The following JAKMIP1 variants were observed in gnomAD, a reference collection of about 807,000 sequenced individuals.
JAKMIP1 encodes the protein janus kinase and microtubule-interacting protein 1.
In JAKMIP1, 33 loss-of-function variants were observed where a neutral mutation model predicts 113.0. The observed-to-expected ratio is 0.29, with a 90% confidence interval of 0.22 to 0.39. The LOEUF is 0.39. Ranked by LOEUF, JAKMIP1 falls within the 10% of genes least tolerant of loss-of-function variation. The pLI, the probability that JAKMIP1 is intolerant of heterozygous loss-of-function variation, is 1.00. For synonymous variants in JAKMIP1, 480 were observed against 459.9 expected, an observed-to-expected ratio of 1.04 and a Z score of -0.56; for missense variants, 813 against 1,080.5, an observed-to-expected ratio of 0.75 and a Z score of 3.47.
intron 8 of JAKMIP1, among the ~76,000 whole-genome samples, chr4:6,066,879 C>T (rs1718171430): frequency 6.6e-6 from 1 of 152,188 alleles, no homozygotes; most frequent in Non-Finnish European, 1.5e-5. Context: ...ATCATCCCTC[C>T]CTCTCCTCCT....
intron 1 of JAKMIP1, among the ~76,000 whole-genome samples, chr4:6,124,182 G>T (rs916917748): frequency 1.3e-5 from 2 of 152,180 alleles, no homozygotes; most frequent in African/African-American, 4.8e-5. Flanking sequence ...TGGGCCGTGC[G>T]GACGGCACCA....
At position 6,113,003 on chromosome 4, in the gene JAKMIP1, G is replaced by A. The variant is rs942222251; in HGVS notation, c.-147-6C>T. 10 of 1,178,444 alleles carry A rather than the reference G, an allele frequency of 8.5e-6. No homozygotes were observed. The highest frequency in any genetic ancestry group is 1.2e-5 in the Non-Finnish European group (10 of 868,194). 73.0% of individuals were successfully genotyped at this position (1,178,444 alleles called of 1,614,324 possible). On this transcript the variant is annotated splice_region_variant and splice_polypyrimidine_tract_variant and intron_variant, in intron 1 of 20. Coordinates refer to ENST00000409021, the MANE Select transcript of JAKMIP1 (RefSeq NM_001099433.2). ...AACCACCATCACTTGGGATCCTGAA[G>A]GAAGGAGGGAAACTGAGTTAGCAGA...
chr4:6,068,684 A>G (rs966835429), intron 8 of JAKMIP1, among the ~76,000 whole-genome samples: 2 of 151,650 alleles, frequency 1.3e-5, no homozygotes, highest in African/African-American at 4.9e-5. Flanking sequence ...CAGCCTCCCA[A>G]GTAGCTGGGA....
intron 16 of JAKMIP1, among the ~76,000 whole-genome samples, chr4:6,046,264 T>C (rs1396305583): frequency 6.6e-6 from 1 of 152,184 alleles, no homozygotes; most frequent in East Asian, 1.9e-4. Flanking sequence ...TGAGGAGCTC[T>C]TACACCAACA....
chr4:6,043,662 G>T (rs561637978), intron 16 of JAKMIP1, among the ~76,000 whole-genome samples: 1 of 149,990 alleles, frequency 6.7e-6, no homozygotes, highest in Non-Finnish European at 1.5e-5. Flanking sequence ...AAACCCACCC[G>T]CAGCACTCCC....
chr4:6,069,081 A>G lies in JAKMIP1; in HGVS notation c.1303-4073T>C, dbSNP rs183653944. 1.3e-5 allele frequency among the ~76,000 whole-genome samples: 2 copies of G among 152,328 alleles called. No homozygotes were observed. The highest frequency in any genetic ancestry group is 1.3e-4 in the Admixed American group (2 of 15,304). ...TGTTTAAAGTAAAAACACAGTGGCT[A>G]TCTTCCTTGAAGGCAATGCAACTGG... is the stretch of plus-strand genomic sequence containing the variant. On this transcript the variant is annotated intron_variant, in intron 8 of 20. Transcript: ENST00000409021. This position sits in a 1 kb window ranked among gnomAD's most constrained non-coding sequence, Gnocchi z 4.5.
chr4:6,060,690 C>T (rs928265317), intron 10 of JAKMIP1, among the ~76,000 whole-genome samples, 183 bp from the exon 11 acceptor site: 2 of 152,210 alleles, frequency 1.3e-5, no homozygotes, highest in Non-Finnish European at 2.9e-5. Context: ...GCTTCAAACA[C>T]AAAAATCATT....
At position 6,067,449 on chromosome 4, in the gene JAKMIP1, C is replaced by T. The variant is rs1718260035; in HGVS notation, c.1303-2441G>A. 6.6e-6 allele frequency among the ~76,000 whole-genome samples: 1 copy of T among 152,188 alleles called. No homozygotes were observed. Among genetic ancestry groups the T allele is most frequent in the African/African-American group, 2.4e-5 (1 of 41,434 alleles). ...TGCAGAGGCTGGAGACAATCATCTACTCAAATCTCCCCTCTGGATGAGAAC... is the reference window on the plus strand; with the variant it reads ...TGCAGAGGCTGGAGACAATCATCTATTCAAATCTCCCCTCTGGATGAGAAC... On this transcript the variant is annotated intron_variant, in intron 8 of 20. Transcript: ENST00000409021. This position sits in a 1 kb window ranked among gnomAD's most constrained non-coding sequence, Gnocchi z 4.6.
At position 6,136,052 on chromosome 4, in the gene JAKMIP1, C is replaced by T. The variant is rs953275070; in HGVS notation, c.-147-23055G>A. Among the ~76,000 whole-genome samples the T allele has an allele frequency of 6.6e-6, 1 of 152,102 alleles. No homozygotes were observed. Among genetic ancestry groups the T allele is most frequent in the Non-Finnish European group, 1.5e-5 (1 of 68,022 alleles). On this transcript the variant is annotated intron_variant, in intron 1 of 20. Transcript: ENST00000409021. The surrounding 1 kb of genome is among the most constrained non-coding windows in gnomAD (Gnocchi z 5.9). ...CTTGAGGTCAGGAGTTCAAGATCAG[C>T]CTGGCGAACAGGGTGAAACCCCATC...
rs1719230386 is a variant in JAKMIP1, at chr4:6,136,306, T to C, written c.-147-23309A>G. Among the ~76,000 whole-genome samples the C allele has an allele frequency of 6.6e-6, 1 of 152,062 alleles. No individual in the cohort carries two copies. The highest frequency in any genetic ancestry group is 2.1e-4 in the South Asian group (1 of 4,820). The stretch of plus-strand genomic sequence containing the variant: ...CTTGACGTCTAAATGCAGGCATCTG[T>C]GAATCCATATTTCAGTCTGCTTGAA... On this transcript the variant is annotated intron_variant, in intron 1 of 20. Transcript: ENST00000409021. This position sits in a 1 kb window ranked among gnomAD's most constrained non-coding sequence, Gnocchi z 5.9.
intron 16 of JAKMIP1, among the ~76,000 whole-genome samples, chr4:6,045,877 A>C (rs1240953015): frequency 6.6e-6 from 1 of 152,346 alleles, no homozygotes; most frequent in African/African-American, 2.4e-5. Context: ...CTCAAAAAAA[A>C]AAATTAATGC....
chr4:6,057,200 T>G (rs1387369085), intron 11 of JAKMIP1, among the ~76,000 whole-genome samples: 3 of 152,228 alleles, frequency 2.0e-5, no homozygotes, highest in Non-Finnish European at 2.9e-5. Flanking sequence ...ATAAGTCCTG[T>G]GAGCACACGG....
At position 6,069,111 on chromosome 4, in the gene JAKMIP1, G is replaced by A. The variant is rs902337141; in HGVS notation, c.1303-4103C>T. ...CCTTGAAGGCAATGCAACTGGTTTTGCACTGCATTTTCAAAAAATGCAGGA... is the reference window on the plus strand; with the variant it reads ...CCTTGAAGGCAATGCAACTGGTTTTACACTGCATTTTCAAAAAATGCAGGA... On this transcript the variant is annotated intron_variant, in intron 8 of 20. Transcript: ENST00000409021. This position sits in a 1 kb window ranked among gnomAD's most constrained non-coding sequence, Gnocchi z 4.5. 2.6e-5 allele frequency among the ~76,000 whole-genome samples: 4 copies of A among 152,172 alleles called. No individual in the cohort carries two copies. Among genetic ancestry groups the A allele is most frequent in the Non-Finnish European group, 5.9e-5 (4 of 68,038 alleles).
At chr4:6,074,759 A>G (rs1008672854) in intron 8 of JAKMIP1, among the ~76,000 whole-genome samples, 2 of 152,252 alleles carry the variant, frequency 1.3e-5, no homozygotes, top group Non-Finnish European at 2.9e-5. Flanking sequence ...CCTCAACAGT[A>G]TACAACAACG....
chr4:6,077,735 T>C (rs1719890573), intron 8 of JAKMIP1, among the ~76,000 whole-genome samples: 3 of 152,102 alleles, frequency 2.0e-5, no homozygotes, highest in South Asian at 2.1e-4. Flanking sequence ...CCACCCACCC[T>C]GGCCTTTCAA....
In JAKMIP1 at chr4:6,167,538, G is replaced by C. The variant is rs1002245137; in HGVS notation, c.-148+32715C>G. Among the ~76,000 whole-genome samples the C allele has an allele frequency of 1.3e-5, 2 of 152,170 alleles. No individual in the cohort carries two copies. The highest frequency in any genetic ancestry group is 4.8e-5 in the African/African-American group (2 of 41,432). ...CTGCAAAGGGCCCTGAGCTTTGAAG[G>C]GCCCATGCTTAGTGCTCTTCTGATG... On this transcript the variant is annotated intron_variant, in intron 1 of 20. Transcript: ENST00000409021. The surrounding 1 kb of genome is among the most constrained non-coding windows in gnomAD (Gnocchi z 5.3).
chr4:6,177,745 T>G (rs1183511074), intron 1 of JAKMIP1, among the ~76,000 whole-genome samples: 3 of 151,856 alleles, frequency 2.0e-5, no homozygotes, highest in Non-Finnish European at 4.4e-5. Flanking sequence ...CAGTGCAACC[T>G]CCTCCACTCC....
chr4:6,124,429 C>A (rs1717132267), intron 1 of JAKMIP1, among the ~76,000 whole-genome samples: 1 of 152,200 alleles, frequency 6.6e-6, no homozygotes, highest in African/African-American at 2.4e-5. Flanking sequence ...TCAGGCTTCC[C>A]CAACCCTCAA....
In JAKMIP1 at chr4:6,168,039, C is replaced by T. The variant is rs537474555; in HGVS notation, c.-148+32214G>A. On this transcript the variant is annotated intron_variant, in intron 1 of 20. Coordinates refer to ENST00000409021, the MANE Select transcript of JAKMIP1 (RefSeq NM_001099433.2). The surrounding 1 kb of genome is among the most constrained non-coding windows in gnomAD (Gnocchi z 4.6). ...AATGGCCAAGGAGCACCTGAAGAGA[C>T]GCTCAACGTCATCAGCCCTCAGGGT... 4.1e-4 allele frequency among the ~76,000 whole-genome samples: 63 copies of T among 152,314 alleles called. No homozygotes were observed. The highest frequency in any genetic ancestry group is 3.4e-3 in the Middle Eastern group (1 of 294).
Sources: allele counts gnomAD v4.1 joint callset (sites outside exome capture counted in the v4.1 genomes callset), GRCh38; gene constraint gnomAD v4.1.1; non-coding constraint Gnocchi (gnomAD v3.1); transcripts MANE v1.5; gene names NCBI Gene and HGNC (gene_info 2026-07-23, HGNC 2026-07-21).